The following EIF4E variants were observed in gnomAD, a reference collection of about 807,000 sequenced individuals.
EIF4E encodes eukaryotic translation initiation factor 4E, also known as eIF-4F 25 kDa subunit.
For synonymous variants in EIF4E, 71 were observed against 88.5 expected, an observed-to-expected ratio of 0.80 and a Z score of 1.11; for missense variants, 113 against 265.6, an observed-to-expected ratio of 0.43 and a Z score of 3.99.
At chr4:98,918,242 T>C (rs1725480196) in intron 1 of EIF4E, among the ~76,000 whole-genome samples, 1 of 149,360 alleles carries the variant, frequency 6.7e-6, no homozygotes, top group Admixed American at 6.7e-5. Flanking sequence ...TGGACGCCTG[T>C]AATCCAGCTG....
intron 3 of EIF4E, among the ~76,000 whole-genome samples, chr4:98,889,666 C>G (rs949231371): frequency 2.0e-5 from 3 of 152,104 alleles, no homozygotes; most frequent in Admixed American, 6.5e-5. Context: ...GTATAAAAAC[C>G]TACTATGTAA....
chr4:98,923,299 C>T (rs999932365), intron 1 of EIF4E, among the ~76,000 whole-genome samples: 7 of 150,408 alleles, frequency 4.7e-5, no homozygotes, highest in African/African-American at 7.3e-5. Flanking sequence ...CACACACACA[C>T]GCAAAATCAT....
At chr4:98,921,051 A>T (rs182511115) in intron 1 of EIF4E, among the ~76,000 whole-genome samples, 1 of 152,228 alleles carries the variant, frequency 6.6e-6, no homozygotes, top group Non-Finnish European at 1.5e-5. Flanking sequence ...AAATTAAAAA[A>T]AAATTTTATA....
At chr4:98,886,065 A>ATTGCTTG (rs1466218217) in intron 5 of EIF4E, among the ~76,000 whole-genome samples, 2 of 152,054 alleles carry the variant, frequency 1.3e-5, no homozygotes, top group African/African-American at 4.8e-5. Context: ...AGGCAGGATG[A>ATTGCTTG]TTGCTTGAAC....
chr4:98,887,971 C>CA lies in EIF4E; in HGVS notation c.222-20dup, dbSNP rs764998656. ...GTACAGACTAGGTAAAAGAAAATAA[C>CA]AATTAAAAACACAGAATATGTAATA... On this transcript the variant is annotated intron_variant, in intron 3 of 6. Coordinates refer to ENST00000450253, the MANE Select transcript of EIF4E (RefSeq NM_001968.5). The surrounding 1 kb of genome is among the most constrained non-coding windows in gnomAD (Gnocchi z 4.0). 7 of 1,591,260 alleles carry CA rather than the reference C, an allele frequency of 4.4e-6. No homozygotes were observed. Among genetic ancestry groups the CA allele is most frequent in the Non-Finnish European group, 5.2e-6 (6 of 1,162,034 alleles).
intron 2 of EIF4E, among the ~76,000 whole-genome samples, chr4:98,892,681 C>CA (rs72248242): frequency 0.023 from 2,619 of 113,966 alleles, 41 homozygotes; most frequent in Admixed American, 0.037. Context: ...AACTCTGTCT[C>CA]AAAAAAAAAA....
intron 2 of EIF4E, among the ~76,000 whole-genome samples, chr4:98,893,917 A>AAAT (rs1243598390): frequency 6.6e-6 from 1 of 152,212 alleles, no homozygotes; most frequent in Admixed American, 6.5e-5. Flanking sequence ...TCTTATTAAT[A>AAAT]AATAATAAGG....
At chr4:98,902,232 T>C (rs1724685159) in intron 1 of EIF4E, among the ~76,000 whole-genome samples, 1 of 152,136 alleles carries the variant, frequency 6.6e-6, no homozygotes, top group African/African-American at 2.4e-5. Context: ...CCACCATGCC[T>C]GGCTAATTTT....
intron 1 of EIF4E, among the ~76,000 whole-genome samples, chr4:98,915,059 T>C (rs1020057855): frequency 1.3e-5 from 2 of 152,190 alleles, no homozygotes. Context: ...TCCTCCCGCC[T>C]CAGCCTTCTG....
chr4:98,891,002 A>G, intron 3 of EIF4E: 1 of 566,296 alleles, frequency 1.8e-6, no homozygotes, highest in Non-Finnish European at 3.2e-6. Flanking sequence ...TGGATTCTTG[A>G]GCTAAGGATA....
chr4:98,903,100 A>C (rs1724718561), intron 1 of EIF4E, among the ~76,000 whole-genome samples: 2 of 152,202 alleles, frequency 1.3e-5, no homozygotes, highest in South Asian at 4.1e-4. Context: ...CAGTAATTTA[A>C]AATAGGTGTT....
At chr4:98,909,798 C>G (rs1454245549) in intron 1 of EIF4E, 3 of 702,306 alleles carry the variant, frequency 4.3e-6, no homozygotes, top group African/African-American at 1.8e-5. Flanking sequence ...TTTTCTCGAC[C>G]AACTGCTTCA....
intron 2 of EIF4E, among the ~76,000 whole-genome samples, chr4:98,896,922 C>T (rs1288284351): frequency 6.6e-6 from 1 of 152,016 alleles, no homozygotes; most frequent in Admixed American, 6.6e-5. Flanking sequence ...TACACGCCAC[C>T]CCAGCCTGGG....
At chr4:98,896,195 C>CAATAAAATAACATAAAATAA (rs1724376112) in intron 2 of EIF4E, among the ~76,000 whole-genome samples, 1 of 134,972 alleles carries the variant, frequency 7.4e-6, no homozygotes, top group African/African-American at 3.9e-5. Context: ...GCTCCATCTC[C>CAATAAAATAACATAAAATAA]AATAAAATAA....
Position 98,892,346 on chromosome 4 carries a change from A to C in EIF4E, c.126-1014T>G, listed in dbSNP as rs909071006. 8.7e-5 allele frequency among the ~76,000 whole-genome samples: 13 copies of C among 150,012 alleles called. 1 individual carries two copies. The highest frequency in any genetic ancestry group is 2.1e-4 in the South Asian group (1 of 4,732). On this transcript the variant is annotated intron_variant, in intron 2 of 6. Coordinates refer to ENST00000450253, the MANE Select transcript of EIF4E (RefSeq NM_001968.5). ...CAAAAAACAAAAAAACAAACAAAAA[A>C]AAAAAACAAAAAAAACACAGCAGAC...
At chr4:98,899,778 A>G (rs1444496869) in intron 2 of EIF4E, among the ~76,000 whole-genome samples, 1 of 152,194 alleles carries the variant, frequency 6.6e-6, no homozygotes, top group Non-Finnish European at 1.5e-5. Context: ...AAGTATACAT[A>G]TGTGCATTTA....
At chr4:98,903,360 GT>G (rs377361249) in intron 1 of EIF4E, 15,857 of 369,134 alleles carry the variant, frequency 0.043, 112 homozygotes, top group African/African-American at 0.082. Context: ...AAGAATATGG[GT>G]TTTTTTTTTT....
chr4:98,907,002 TTGC>T (rs1245007111), intron 1 of EIF4E, among the ~76,000 whole-genome samples: 3 of 152,106 alleles, frequency 2.0e-5, no homozygotes, highest in Non-Finnish European at 4.4e-5. Context: ...AAAATAAGGG[TTGC>T]TTTTTATAAA....
intron 1 of EIF4E, among the ~76,000 whole-genome samples, chr4:98,921,706 G>A (rs1443368944): frequency 1.3e-5 from 2 of 152,122 alleles, no homozygotes; most frequent in Non-Finnish European, 2.9e-5. Context: ...TTTACCCTTT[G>A]CCAGACTTAT....
Sources: gnomAD v4.1 joint callset for allele counts (sites outside exome capture counted in the v4.1 genomes callset) on GRCh38, gnomAD v4.1.1 for gene constraint, Gnocchi (gnomAD v3.1) non-coding constraint, MANE v1.5 for transcripts, NCBI Gene and HGNC (gene_info 2026-07-23, HGNC 2026-07-21) for gene names.